The following PPP3CA variants were observed in gnomAD, a reference collection of about 807,000 sequenced individuals.
PPP3CA encodes protein phosphatase 3 catalytic subunit alpha, also known as CAM-PRP catalytic subunit.
PPP3CA carries 14 observed loss-of-function variants against 66.5 expected under a neutral mutation model. The ratio of observed to expected loss-of-function variants is 0.21; its 90% confidence interval spans 0.14 to 0.33. The LOEUF is 0.33. PPP3CA is among the 10% of genes least tolerant of loss of function. PPP3CA has a pLI of 1.00. For missense variants in PPP3CA, 317 were observed against 639.5 expected, an observed-to-expected ratio of 0.50 and a Z score of 5.44; for synonymous variants, 232 against 226.2, an observed-to-expected ratio of 1.03 and a Z score of -0.23.
intron 1 of PPP3CA, among the ~76,000 whole-genome samples, chr4:101,274,914 G>T (rs1727441527): frequency 6.6e-6 from 1 of 152,112 alleles, no homozygotes; most frequent in African/African-American, 2.4e-5. Flanking sequence ...ATTCATATGA[G>T]ATAAATTGTG....
At position 101,035,856 on chromosome 4, in the gene PPP3CA, C is replaced by T. The variant is rs920840756; in HGVS notation, c.1242-3492G>A. On this transcript the variant is annotated intron_variant, in intron 11 of 13. Transcript: ENST00000394854. The stretch of plus-strand genomic sequence containing the variant: ...AATTTCCTCTGATGACCATGCCCTC[C>T]GTCCTGAAAGACTCTTTGCCCTAGG... 3.3e-5 allele frequency among the ~76,000 whole-genome samples: 5 copies of T among 152,274 alleles called. No individual in the cohort carries two copies. The East Asian group carries it at 5.8e-4, about 18-fold the overall frequency.
intron 13 of PPP3CA, among the ~76,000 whole-genome samples, chr4:101,028,196 T>C (rs1726758550): frequency 6.6e-6 from 1 of 152,170 alleles, no homozygotes; most frequent in Non-Finnish European, 1.5e-5. Context: ...ACAAAAAAGT[T>C]ACCTTGCAAG....
At chr4:101,068,880 T>A (rs1275145743) in intron 8 of PPP3CA, among the ~76,000 whole-genome samples, 1 of 152,212 alleles carries the variant, frequency 6.6e-6, no homozygotes, top group Non-Finnish European at 1.5e-5. Context: ...AGTTATGTGT[T>A]CAAGTCACTT....
At chr4:101,165,832 T>A (rs560452602) in intron 2 of PPP3CA, among the ~76,000 whole-genome samples, 1 of 152,246 alleles carries the variant, frequency 6.6e-6, no homozygotes, top group South Asian at 2.1e-4. Context: ...AGATACTACA[T>A]AAAATTTTCT....
At chr4:101,036,241 T>A (rs1578392404) in intron 11 of PPP3CA, among the ~76,000 whole-genome samples, 1 of 152,338 alleles carries the variant, frequency 6.6e-6, no homozygotes, top group East Asian at 1.9e-4. Flanking sequence ...GTCTAGAAAA[T>A]TTAAAATGAC....
chr4:101,327,650 T>C (rs1054905846), intron 1 of PPP3CA, among the ~76,000 whole-genome samples: 4 of 152,210 alleles, frequency 2.6e-5, no homozygotes, highest in Admixed American at 6.5e-5. Flanking sequence ...TCTATACTTA[T>C]AACATTCAAA....
At chr4:101,260,142 C>CA (rs1452167287) in intron 1 of PPP3CA, among the ~76,000 whole-genome samples, 1 of 152,044 alleles carries the variant, frequency 6.6e-6, no homozygotes, top group Non-Finnish European at 1.5e-5. Context: ...GAATACGGGG[C>CA]AAATCGTATC....
At chr4:101,308,186 TA>T (rs1212230001) in intron 1 of PPP3CA, among the ~76,000 whole-genome samples, 1 of 152,220 alleles carries the variant, frequency 6.6e-6, no homozygotes, top group African/African-American at 2.4e-5. Context: ...AATGTAAAAT[TA>T]AAACTTATTT....
At chr4:101,160,788 T>G (rs1723480244) in intron 2 of PPP3CA, among the ~76,000 whole-genome samples, 1 of 152,076 alleles carries the variant, frequency 6.6e-6, no homozygotes, top group Non-Finnish European at 1.5e-5. Context: ...TTAGAATATG[T>G]ATGTGAGTGA....
intron 2 of PPP3CA, among the ~76,000 whole-genome samples, chr4:101,163,188 G>A (rs944353363): frequency 1.3e-5 from 2 of 152,124 alleles, no homozygotes; most frequent in African/African-American, 4.8e-5. Flanking sequence ...TTTGTGCATG[G>A]CAGTTTCCTG....
intron 11 of PPP3CA, among the ~76,000 whole-genome samples, chr4:101,033,728 A>G (rs988124304): frequency 7.2e-5 from 11 of 152,152 alleles, no homozygotes; most frequent in African/African-American, 2.7e-4. Context: ...ACCATAATCA[A>G]TTTTAGAACA....
At chr4:101,040,680 TC>T (rs1164207476) in intron 10 of PPP3CA, 114 bp from the exon 11 acceptor site, 21 of 723,002 alleles carry the variant, frequency 2.9e-5, no homozygotes, top group Admixed American at 1.1e-4. Context: ...TTTTTTTTTT[TC>T]CCCCTTAAGA....
chr4:101,343,737 A>C (rs908183199), intron 1 of PPP3CA, among the ~76,000 whole-genome samples: 8 of 152,156 alleles, frequency 5.3e-5, no homozygotes, highest in African/African-American at 1.9e-4. Context: ...AGGTTTAGAA[A>C]ACCGATCAGG....
chr4:101,050,691 C>G (rs1244605455), intron 10 of PPP3CA, among the ~76,000 whole-genome samples: 1 of 152,164 alleles, frequency 6.6e-6, no homozygotes, highest in African/African-American at 2.4e-5. Flanking sequence ...GCTGACTGAC[C>G]TACTTCACTC....
At chr4:101,235,023 T>C (rs1186081496) in intron 1 of PPP3CA, among the ~76,000 whole-genome samples, 1 of 151,716 alleles carries the variant, frequency 6.6e-6, no homozygotes, top group Non-Finnish European at 1.5e-5. Context: ...ATCATATATA[T>C]ATACACACTA....
At chr4:101,211,355 G>C (rs900508217) in intron 1 of PPP3CA, among the ~76,000 whole-genome samples, 9 of 152,142 alleles carry the variant, frequency 5.9e-5, no homozygotes, top group Non-Finnish European at 1.3e-4. Context: ...CCTACCCAGA[G>C]TGATGGACAT....
chr4:101,201,137 C>T (rs944576324), intron 1 of PPP3CA, among the ~76,000 whole-genome samples: 1 of 151,706 alleles, frequency 6.6e-6, no homozygotes, highest in Non-Finnish European at 1.5e-5. Context: ...AAATTAATTC[C>T]AACTATTTCT....
intron 8 of PPP3CA, among the ~76,000 whole-genome samples, chr4:101,068,027 C>T (rs1400452004): frequency 6.6e-6 from 1 of 152,024 alleles, no homozygotes; most frequent in African/African-American, 2.4e-5. Context: ...CACCACTAGT[C>T]CTGATTTTAA....
At position 101,024,360 on chromosome 4, in the gene PPP3CA, T is replaced by TAAA. The variant is rs1235992571; in HGVS notation, c.*1502_*1504dup. On this transcript the variant is annotated 3_prime_UTR_variant, in exon 14 of 14. Coordinates refer to ENST00000394854, the MANE Select transcript of PPP3CA (RefSeq NM_000944.5). ...ATGCACATTTTATTGAGTAGTAATA[T>TAAA]AAAATGCTTTTTCTTTTTCATTGTT... 6.5e-6 allele frequency: 1 copy of TAAA among 152,678 alleles called. No homozygotes were observed. Among genetic ancestry groups the TAAA allele is most frequent in the Non-Finnish European group, 1.5e-5 (1 of 68,050 alleles). The allele number at this position is 152,678 out of a possible 1,614,324, so 9.5% of individuals were successfully genotyped here.
Sources: gnomAD v4.1 joint callset for allele counts (sites outside exome capture counted in the v4.1 genomes callset) on GRCh38, gnomAD v4.1.1 for gene constraint, MANE v1.5 for transcripts, NCBI Gene and HGNC (gene_info 2026-07-23, HGNC 2026-07-21) for gene names.